LRRC61: variants seen among roughly 807,000 people sequenced by gnomAD.
LRRC61 encodes the protein leucine-rich repeat-containing protein 61.
Under a neutral mutation model 15.1 loss-of-function variants are expected in LRRC61, and 9 were observed. The ratio of observed to expected loss-of-function variants is 0.60; its 90% confidence interval spans 0.36 to 1.04. LRRC61 has a LOEUF of 1.04. Ranked by LOEUF, LRRC61 falls within the 50% of genes least tolerant of loss-of-function variation. LRRC61 has a pLI of 0.01. For synonymous variants in LRRC61, 173 were observed against 158.6 expected (o/e 1.09, Z -0.68); for missense variants, 344 against 335.6 (o/e 1.03, Z -0.20).
the LRRC61 span, among the ~76,000 whole-genome samples, chr7:150,310,342 C>T: frequency 6.6e-6 from 1 of 152,104 alleles, no homozygotes; most frequent in Non-Finnish European, 1.5e-5. Context: ...TGCCAGTATC[C>T]CATCCCACAC....
chr7:150,334,526 C>G (rs1798224698), intron 2 of LRRC61, among the ~76,000 whole-genome samples: 1 of 152,160 alleles, frequency 6.6e-6, no homozygotes, highest in Non-Finnish European at 1.5e-5. Context: ...GCTCTGTATC[C>G]CCAGCATGGT....
chr7:150,311,210 G>A, the LRRC61 span, among the ~76,000 whole-genome samples: 1 of 152,034 alleles, frequency 6.6e-6, no homozygotes, highest in Admixed American at 6.5e-5. Context: ...CTCCCACACT[G>A]GCACTCCTTG....
chr7:150,330,763 C>T lies in LRRC61; in HGVS notation c.-145+4753C>T, dbSNP rs762167091. The T allele has an allele frequency of 2.5e-6, 4 of 1,613,522 alleles. No homozygotes were observed. In the Admixed American group the frequency reaches 6.7e-5, roughly 27 times the overall value. ...GTGTCTGAATACTCTTTGAACTCCC[C>T]AAGTCCCCTGCAAAGCCCCAGGGGT... On this transcript the variant is annotated intron_variant, in intron 2 of 2. Transcript: ENST00000359623. The surrounding 1 kb of genome is among the most constrained non-coding windows in gnomAD (Gnocchi z 4.6).
At chr7:150,324,583 A>G (rs907111070) in intron 1 of LRRC61, among the ~76,000 whole-genome samples, 5 of 152,070 alleles carry the variant, frequency 3.3e-5, no homozygotes, top group Non-Finnish European at 7.4e-5. Context: ...AAGCTGCCTC[A>G]CTTCCCTTCT....
rs1340719950 is a variant in LRRC61 at position 150,337,136 on chromosome 7, C to T, written c.275C>T (p.Pro92Leu). The change falls in exon 3 of 3, where the codon CCA (proline) becomes CTA (leucine). Residue 92 changes from proline (P) to leucine (L), a missense_variant. Physicochemically the swap from Pro to Leu is moderately conservative, Grantham distance 98. Coordinates refer to ENST00000359623, the MANE Select transcript of LRRC61 (RefSeq NM_001142928.2). ...VSNNRLTGLE[P>L]LATCENLQSL... ...AACAATCGGCTGACGGGCCTGGAGC[C>T]ACTGGCCACCTGTGAGAACTTGCAG... 1 of 1,611,896 alleles carries T rather than the reference C, an allele frequency of 6.2e-7. No individual in the cohort carries two copies. Among genetic ancestry groups the T allele is most frequent in the Admixed American group, 1.7e-5 (1 of 60,036 alleles).
chr7:150,330,261 C>T lies in LRRC61; in HGVS notation c.-145+4251C>T, dbSNP rs1218171701. 1 of 639,754 alleles carries T rather than the reference C, an allele frequency of 1.6e-6. No individual in the cohort carries two copies. The highest frequency in any genetic ancestry group is 1.8e-5 in the African/African-American group (1 of 55,180). 39.6% of individuals were successfully genotyped at this position (639,754 alleles called of 1,614,324 possible). ...CTTGGACCACTGGGTCTCGGCCTAC[C>T]ACCTGCTGGAGTGGCTGGTGGAGCA... On this transcript the variant is annotated intron_variant, in intron 2 of 2. Transcript: ENST00000359623. The surrounding 1 kb of genome is among the most constrained non-coding windows in gnomAD (Gnocchi z 4.6).
the LRRC61 span, among the ~76,000 whole-genome samples, chr7:150,312,684 G>T: frequency 6.6e-6 from 1 of 152,138 alleles, no homozygotes; most frequent in Non-Finnish European, 1.5e-5. Context: ...TCTTTAAGGT[G>T]TCCATGCAGT....
At chr7:150,323,712 C>T (rs1383821389) in intron 1 of LRRC61, 152 bp downstream of exon 1, 1 of 455,640 alleles carries the variant, frequency 2.2e-6, no homozygotes, top group Non-Finnish European at 4.4e-6. Context: ...AGCCCTTACC[C>T]ATCTCTCCCT....
chr7:150,337,817 GGACA>G lies in LRRC61; in HGVS notation c.*180_*183del. The G allele has an allele frequency of 1.4e-6, 1 of 704,674 alleles. No homozygotes were observed. The highest frequency in any genetic ancestry group is 2.8e-5 in the East Asian group (1 of 35,280). 43.7% of individuals were successfully genotyped at this position (704,674 alleles called of 1,614,324 possible). A position where few individuals can be genotyped will look rare whatever the true frequency, so the allele number is the denominator to read the frequency against. ...CCCACCATCCCTCCACATGCTGCAAGGACAGACTGAAGGGCTGTGAGCAGGTGTA... is the reference window on the plus strand; with the variant it reads ...CCCACCATCCCTCCACATGCTGCAAGGACTGAAGGGCTGTGAGCAGGTGTA... On this transcript the variant is annotated 3_prime_UTR_variant, in exon 3 of 3. Coordinates refer to ENST00000359623, the MANE Select transcript of LRRC61 (RefSeq NM_001142928.2).
At chr7:150,332,844 G>A (rs1052335405) in intron 2 of LRRC61, 1 of 155,022 alleles carries the variant, frequency 6.5e-6, no homozygotes, top group Non-Finnish European at 1.5e-5. Flanking sequence ...ATAGGGGGCC[G>A]GATTTGTCTG....
At chr7:150,324,667 T>C (rs1797882316) in intron 1 of LRRC61, among the ~76,000 whole-genome samples, 1 of 152,204 alleles carries the variant, frequency 6.6e-6, no homozygotes, top group Admixed American at 6.5e-5. Flanking sequence ...GAGTTCTTCC[T>C]GGTCTCTTGA....
chr7:150,327,503 T>C (rs917838818), intron 2 of LRRC61, among the ~76,000 whole-genome samples: 3 of 152,090 alleles, frequency 2.0e-5, no homozygotes, highest in African/African-American at 7.2e-5. Context: ...TTTTAAACAA[T>C]CTTGTAGCCA....
intron 1 of LRRC61, chr7:150,323,857 G>C (rs1797822534): frequency 2.7e-6 from 1 of 370,708 alleles, no homozygotes; most frequent in Non-Finnish European, 5.4e-6. Context: ...GCAGGATCAC[G>C]GCCGTGCTCA....
chr7:150,315,850 C>T, the LRRC61 span, among the ~76,000 whole-genome samples: 1 of 151,426 alleles, frequency 6.6e-6, no homozygotes, highest in Non-Finnish European at 1.5e-5. Flanking sequence ...TTTCACTTAA[C>T]GATGTATCCT....
At chr7:150,326,960 T>A (rs1207597187) in intron 2 of LRRC61, among the ~76,000 whole-genome samples, 1 of 152,218 alleles carries the variant, frequency 6.6e-6, no homozygotes, top group Non-Finnish European at 1.5e-5. Flanking sequence ...GACTTGAAGT[T>A]GTTGCCACTT....
chr7:150,337,560 G>A lies in LRRC61; in HGVS notation c.699G>A (p.Leu233=). ...FQDTLQECWD[L]DRQASDSLAQ... ...ACACACTGCAGGAGTGCTGGGACCTGGACCGCCAGGCCAGCGACAGCCTGG... is the reference window on the plus strand; with the variant it reads ...ACACACTGCAGGAGTGCTGGGACCTAGACCGCCAGGCCAGCGACAGCCTGG... The change falls in exon 3 of 3, where the codon CTG becomes CTA. Residue 233 remains leucine (L), a synonymous_variant. Coordinates refer to ENST00000359623, the MANE Select transcript of LRRC61 (RefSeq NM_001142928.2). 2.5e-6 allele frequency: 4 copies of A among 1,594,152 alleles called. No individual in the cohort carries two copies. Among genetic ancestry groups the A allele is most frequent in the East Asian group, 2.2e-5 (1 of 44,566 alleles).
intron 2 of LRRC61, among the ~76,000 whole-genome samples, chr7:150,334,721 G>C (rs1798231584): frequency 2.0e-5 from 3 of 152,210 alleles, no homozygotes; most frequent in Admixed American, 2.0e-4. Flanking sequence ...TCACATGTCT[G>C]AGAAGGGAGC....
At chr7:150,314,562 A>ATAGT in the LRRC61 span, among the ~76,000 whole-genome samples, 1 of 152,146 alleles carries the variant, frequency 6.6e-6, no homozygotes, top group Non-Finnish European at 1.5e-5. Flanking sequence ...TGGCAAACAT[A>ATAGT]TAGTTACTCT....
At position 150,337,053 on chromosome 7, in the gene LRRC61, G is replaced by A. The variant is rs148139970; in HGVS notation, c.192G>A (p.Ala64=). The change falls in exon 3 of 3, where the codon GCG becomes GCA. Residue 64 remains alanine (A), a synonymous_variant. Transcript: ENST00000359623. ...AGTGGCTGGACCTATCAGGCAACGCGCTCACCCACCTGGGCCCGCTGGCCT... is the reference window on the plus strand; with the variant it reads ...AGTGGCTGGACCTATCAGGCAACGCACTCACCCACCTGGGCCCGCTGGCCT... The part of the protein sequence containing the change: ...GLEWLDLSGN[A]LTHLGPLASL... 5.5e-5 allele frequency: 88 copies of A among 1,613,254 alleles called. No individual in the cohort carries two copies. The African/African-American group carries it at 9.6e-4, about 18-fold the overall frequency.
Sources: allele counts gnomAD v4.1 joint callset (sites outside exome capture counted in the v4.1 genomes callset), GRCh38; gene constraint gnomAD v4.1.1; non-coding constraint Gnocchi (gnomAD v3.1); transcripts MANE v1.5; gene names NCBI Gene and HGNC (gene_info 2026-07-23, HGNC 2026-07-21).